CYRIA: variants seen among roughly 807,000 people sequenced by gnomAD.
CYRIA encodes CYFIP-related Rac1 interactor A.
Under a neutral mutation model 43.9 loss-of-function variants are expected in CYRIA, and 15 were observed. That is an observed-to-expected ratio of 0.34 (90% CI 0.23 to 0.53). The LOEUF is 0.53. Among genes scored for constraint, CYRIA ranks in the 20% least tolerant of loss-of-function variants. CYRIA has a pLI of 0.94. For missense variants in CYRIA, 236 were observed against 394.2 expected (o/e 0.60, Z 3.40); for synonymous variants, 117 against 136.0 (o/e 0.86, Z 0.97).
At position 16,621,734 on chromosome 2, in the gene CYRIA, T is replaced by G. The variant is rs958171558; in HGVS notation, c.-11+2130A>C. ...TCCAGATGCTGCCCAAATAATGCCT[T>G]ATCCAGAGGTGTTCCCTGGCACTGT... On this transcript the variant is annotated intron_variant, in intron 2 of 11. Coordinates refer to ENST00000381323, the MANE Select transcript of CYRIA (RefSeq NM_030797.4). Among the ~76,000 whole-genome samples the G allele has an allele frequency of 4.2e-4, 64 of 152,204 alleles. 1 individual carries two copies. Among genetic ancestry groups the G allele is most frequent in the Non-Finnish European group, 7.3e-5 (5 of 68,040 alleles).
intron 1 of CYRIA, among the ~76,000 whole-genome samples, chr2:16,645,633 G>A (rs978327191): frequency 1.1e-4 from 17 of 152,196 alleles, no homozygotes; most frequent in Non-Finnish European, 1.8e-4. Flanking sequence ...AATATAAGGT[G>A]GAAAGCAGTA....
intron 1 of CYRIA, among the ~76,000 whole-genome samples, chr2:16,629,894 AG>A (rs1459326880): frequency 6.6e-6 from 1 of 152,186 alleles, no homozygotes; most frequent in African/African-American, 2.4e-5. Context: ...GACCTAGAAA[AG>A]GAAAGGATTT....
intron 2 of CYRIA, among the ~76,000 whole-genome samples, chr2:16,618,987 G>A (rs1238467020): frequency 1.3e-5 from 2 of 152,142 alleles, no homozygotes; most frequent in Admixed American, 6.5e-5. Context: ...GTGAAAGAGG[G>A]GACAATTAGA....
chr2:16,598,315 C>T (rs1668082799), intron 2 of CYRIA, among the ~76,000 whole-genome samples: 1 of 81,868 alleles, frequency 1.2e-5, no homozygotes, highest in Non-Finnish European at 2.2e-5. Context: ...TGGATAATAT[C>T]CTGCAGAGTG....
intron 2 of CYRIA, among the ~76,000 whole-genome samples, chr2:16,591,275 G>T (rs1328773729): frequency 6.6e-6 from 1 of 152,090 alleles, no homozygotes; most frequent in African/African-American, 2.4e-5. Context: ...AAAGCTAGAG[G>T]CAAGAAATAG....
At chr2:16,646,557 T>C (rs1324045493) in intron 1 of CYRIA, among the ~76,000 whole-genome samples, 1 of 152,186 alleles carries the variant, frequency 6.6e-6, no homozygotes, top group Non-Finnish European at 1.5e-5. Flanking sequence ...TGTGGGAGCC[T>C]CCTTGTTGCG....
chr2:16,587,438 C>T (rs973058879), intron 3 of CYRIA, among the ~76,000 whole-genome samples: 21 of 152,126 alleles, frequency 1.4e-4, no homozygotes, highest in Admixed American at 1.1e-3. Context: ...TCTATTTATG[C>T]TAGGGCTACA....
intron 1 of CYRIA, among the ~76,000 whole-genome samples, chr2:16,664,250 C>T (rs982666967): frequency 1.3e-5 from 2 of 152,136 alleles, no homozygotes; most frequent in African/African-American, 4.8e-5. Flanking sequence ...CTCGCTTTCC[C>T]ACTCTCCCCT....
chr2:16,559,991 C>T (rs1192638721), intron 9 of CYRIA, among the ~76,000 whole-genome samples: 3 of 152,116 alleles, frequency 2.0e-5, no homozygotes. Context: ...TGTCTCCAGT[C>T]GGAGTAACTT....
At chr2:16,556,523 T>C (rs1194890152) in intron 10 of CYRIA, among the ~76,000 whole-genome samples, 1 of 152,036 alleles carries the variant, frequency 6.6e-6, no homozygotes, top group Non-Finnish European at 1.5e-5. Context: ...GAATCCGGAG[T>C]TCCACTTAGG....
At chr2:16,646,884 C>G (rs1669835582) in intron 1 of CYRIA, among the ~76,000 whole-genome samples, 1 of 152,168 alleles carries the variant, frequency 6.6e-6, no homozygotes, top group Non-Finnish European at 1.5e-5. Flanking sequence ...TCCTCTCCTG[C>G]ATTTGGATTC....
intron 10 of CYRIA, among the ~76,000 whole-genome samples, chr2:16,557,797 C>T (rs539291297): frequency 3.3e-5 from 5 of 152,004 alleles, no homozygotes; most frequent in Non-Finnish European, 7.4e-5. Context: ...ATAATTTTAC[C>T]CAGTGTATTT....
intron 2 of CYRIA, among the ~76,000 whole-genome samples, chr2:16,591,700 C>T (rs182827010): frequency 9.9e-5 from 15 of 152,178 alleles, no homozygotes; most frequent in East Asian, 1.9e-4. Flanking sequence ...TCCCAAGGGA[C>T]GTCAGTTTAC....
rs1023845388 is a variant in CYRIA at position 16,552,276 on chromosome 2, C to G, written c.*660G>C. 2.6e-5 allele frequency: 4 copies of G among 151,704 alleles called. No homozygotes were observed. Among genetic ancestry groups the G allele is most frequent in the African/African-American group, 4.8e-5 (2 of 41,366 alleles). The allele number at this position is 151,704 out of a possible 1,614,324, so 9.4% of individuals were successfully genotyped here. On this transcript the variant is annotated 3_prime_UTR_variant, in exon 12 of 12. Coordinates refer to ENST00000381323, the MANE Select transcript of CYRIA (RefSeq NM_030797.4). ...GCAACAGCACATCTATCTATTTCTG[C>G]TGCTCTCCCACTAACTGAAAAAAAT... is the stretch of plus-strand genomic sequence containing the variant.
intron 1 of CYRIA, among the ~76,000 whole-genome samples, chr2:16,661,407 G>A (rs561092349): frequency 2.0e-5 from 3 of 152,298 alleles, no homozygotes; most frequent in East Asian, 3.9e-4. Context: ...CCATTCATAA[G>A]TTCAATCATA....
intron 1 of CYRIA, among the ~76,000 whole-genome samples, chr2:16,637,244 G>A (rs1288050178): frequency 3.3e-5 from 5 of 152,164 alleles, no homozygotes; most frequent in African/African-American, 4.8e-5. Flanking sequence ...GCAACAAGAT[G>A]ACTTCTAGGG....
At chr2:16,600,304 G>A (rs1280900895) in intron 2 of CYRIA, among the ~76,000 whole-genome samples, 2 of 152,240 alleles carry the variant, frequency 1.3e-5, no homozygotes, top group East Asian at 3.8e-4. Context: ...CCTCAACACT[G>A]ACTCTCTTGG....
intron 3 of CYRIA, among the ~76,000 whole-genome samples, chr2:16,567,477 G>A (rs180828165): frequency 2.0e-5 from 3 of 152,072 alleles, no homozygotes; most frequent in Non-Finnish European, 2.9e-5. Flanking sequence ...AAGTGACGGC[G>A]AAGTGGGGCA....
intron 3 of CYRIA, among the ~76,000 whole-genome samples, chr2:16,567,831 G>A (rs1666995644): frequency 6.6e-6 from 1 of 152,192 alleles, no homozygotes; most frequent in African/African-American, 2.4e-5. Flanking sequence ...AGGACTCAGA[G>A]AAAGAGAAGA....
Sources: gnomAD v4.1 joint callset for allele counts (sites outside exome capture counted in the v4.1 genomes callset) on GRCh38, gnomAD v4.1.1 for gene constraint, MANE v1.5 for transcripts, NCBI Gene and HGNC (gene_info 2026-07-23, HGNC 2026-07-21) for gene names.